DOCK11: variants seen among roughly 807,000 people sequenced by gnomAD.
DOCK11 encodes the protein dedicator of cytokinesis protein 11.
In DOCK11, 70 loss-of-function variants were observed where a neutral mutation model predicts 169.1. That is an observed-to-expected ratio of 0.41 (90% CI 0.34 to 0.51). The LOEUF (loss-of-function observed/expected upper bound fraction) is 0.51, where lower values mean the gene tolerates loss of function less well. DOCK11 is among the 20% of genes least tolerant of loss of function. The probability of loss-of-function intolerance (pLI) is 0.10; values close to 1 mark genes in which losing one functional copy is unlikely to be tolerated. For missense variants in DOCK11, 1,166 were observed against 1,538.8 expected, an observed-to-expected ratio of 0.76 and a Z score of 4.05; for synonymous variants, 529 against 541.3, an observed-to-expected ratio of 0.98 and a Z score of 0.32.
At chrX:118,568,373 TATATATATATATATATA>T (rs1569418510) in intron 10 of DOCK11, among the ~76,000 whole-genome samples, 7 of 1,155 alleles carry the variant, frequency 6.1e-3, no homozygotes, top group African/African-American at 0.02. Flanking sequence ...GGCTGAATTA[TATATATATATATATATA>T]TATATATATA....
chrX:118,639,316 TA>T, intron 37 of DOCK11, 118 bp from the exon 38 acceptor site: 1 of 685,931 alleles, frequency 1.5e-6, no homozygotes, highest in Non-Finnish European at 2.1e-6. Flanking sequence ...ACACTTCATT[TA>T]ATCCTTGAGT....
chrX:118,600,747 C>T (rs2014312440), intron 23 of DOCK11, among the ~76,000 whole-genome samples: 1 of 109,477 alleles, frequency 9.1e-6, no homozygotes, highest in Admixed American at 9.7e-5. Context: ...TGAGCAGAGA[C>T]CTAAAGGAAA....
rs367550547 is a variant in DOCK11 at position 118,578,544 on chromosome X, A to G, written c.1409A>G (p.Asn470Ser). The G allele has an allele frequency of 8.3e-7, 1 of 1,207,549 alleles. No individual in the cohort carries two copies. The highest frequency in any genetic ancestry group is 1.8e-5 in the African/African-American group (1 of 57,094). The change falls in exon 13 of 53, where the codon AAT becomes AGT. Residue 470 changes from asparagine to serine, a missense_variant. By Grantham distance (46) the Asn-to-Ser change is conservative (BLOSUM62 1). Transcript: ENST00000276202. ...TCCCAGGGAATTTTCTCAGTGACGA[A>G]TCCACATCCTGAAATTTTTCTAGTT... ...YIQQGIFSVT[N>S]PHPEIFLVAR...
intron 23 of DOCK11, among the ~76,000 whole-genome samples, chrX:118,601,117 TTAAC>T (rs1277163292): frequency 1.8e-5 from 2 of 111,353 alleles, no homozygotes; most frequent in African/African-American, 6.5e-5. Flanking sequence ...CTATATGTTC[TTAAC>T]TATCATTAAG....
chrX:118,585,152 T>G, intron 16 of DOCK11, 35 bp downstream of exon 16: 1 of 1,091,658 alleles, frequency 9.2e-7, no homozygotes, highest in Non-Finnish European at 1.3e-6. Flanking sequence ...TTAAGCATAA[T>G]GTTTGAATGT....
intron 26 of DOCK11, 30 bp from the exon 27 acceptor site, chrX:118,609,248 C>T (rs368527623): frequency 2.7e-5 from 30 of 1,106,214 alleles, no homozygotes; most frequent in African/African-American, 2.0e-4. Context: ...ATTTGGTAAC[C>T]GTTAAAGATT....
chrX:118,648,939 C>G lies in DOCK11; in HGVS notation c.4399-6C>G. The G allele has an allele frequency of 1.7e-6, 2 of 1,167,552 alleles. No homozygotes were observed. The highest frequency in any genetic ancestry group is 4.0e-5 in the South Asian group (2 of 50,219). On this transcript the variant is annotated splice_polypyrimidine_tract_variant and splice_region_variant and intron_variant, in intron 40 of 52. Transcript: ENST00000276202. Reference sequence around the variant, plus strand: ...AATACTTATTTCTGTTTTCCCTGTTCTTTAGTTTCCTTCAGCATTTTTCAA... The same window carrying G: ...AATACTTATTTCTGTTTTCCCTGTTGTTTAGTTTCCTTCAGCATTTTTCAA...
In DOCK11 at chrX:118,618,647, T is replaced by C. The variant is rs1270276086; in HGVS notation, c.3390T>C (p.Asn1130=). The C allele has an allele frequency of 8.3e-7, 1 of 1,208,165 alleles. No homozygotes were observed. The highest frequency in any genetic ancestry group is 2.2e-5 in the Admixed American group (1 of 45,919). Reference sequence around the variant, plus strand: ...AAACTTCCATTGCTCTTCAGGACAATTATGAGATCAGATATACAGCTATCT... The same window carrying C: ...AAACTTCCATTGCTCTTCAGGACAACTATGAGATCAGATATACAGCTATCT... The part of the protein sequence containing the change: ...LRETSIALQD[N]YEIRYTAISV... Residue 1130 remains asparagine, a synonymous_variant, in exon 31 of 53, where the codon AAT becomes AAC. Transcript: ENST00000276202.
chrX:118,593,399 A>C, intron 20 of DOCK11, 62 bp downstream of exon 20: 1 of 1,078,180 alleles, frequency 9.3e-7, no homozygotes, highest in Non-Finnish European at 1.2e-6. Context: ...TCCAGGGTAT[A>C]ACCTCTTTTC....
chrX:118,496,536 T>G (rs1022835607), intron 1 of DOCK11, among the ~76,000 whole-genome samples: 8 of 112,254 alleles, frequency 7.1e-5, no homozygotes, highest in African/African-American at 2.3e-4. Flanking sequence ...CGCGCACACA[T>G]ACACACACTG....
chrX:118,538,786 A>C, intron 1 of DOCK11: 1 of 386,199 alleles, frequency 2.6e-6, no homozygotes. Context: ...ATAAATTACA[A>C]AGCTGAAAGA....
At chrX:118,611,435 C>T (rs1213843383) in intron 28 of DOCK11, among the ~76,000 whole-genome samples, 1 of 112,171 alleles carries the variant, frequency 8.9e-6, no homozygotes, top group Non-Finnish European at 1.9e-5. Flanking sequence ...TCTAGGTTGC[C>T]ACCATCCCTA....
intron 1 of DOCK11, among the ~76,000 whole-genome samples, chrX:118,519,252 G>C (rs1198205140): frequency 1.8e-5 from 2 of 112,001 alleles, no homozygotes; most frequent in African/African-American, 6.5e-5. Flanking sequence ...TTATGAGTCA[G>C]AAATTTTAAG....
chrX:118,545,470 A>G (rs2012236249), intron 5 of DOCK11, 78 bp downstream of exon 5: 1 of 729,252 alleles, frequency 1.4e-6, no homozygotes, highest in Non-Finnish European at 2.0e-6. Context: ...TTCAAAGGGA[A>G]TTTCTTGAGA....
chrX:118,543,807 G>A (rs1282004180), intron 4 of DOCK11, among the ~76,000 whole-genome samples: 13 of 111,373 alleles, frequency 1.2e-4, no homozygotes, highest in Non-Finnish European at 1.7e-4. Context: ...AAAATTAGCC[G>A]GGCGTGGTGG....
chrX:118,561,295 C>A (rs1310873986), intron 6 of DOCK11, 88 bp from the exon 7 acceptor site: 4 of 938,023 alleles, frequency 4.3e-6, no homozygotes, highest in Non-Finnish European at 5.6e-6. Flanking sequence ...AATTGCCTGG[C>A]AAGCTTTTGA....
intron 10 of DOCK11, among the ~76,000 whole-genome samples, chrX:118,570,713 G>A (rs181537626): frequency 8.9e-5 from 10 of 112,253 alleles, no homozygotes; most frequent in Admixed American, 1.9e-4. Context: ...TACTGACAGT[G>A]TTATTCTGCT....
intron 35 of DOCK11, among the ~76,000 whole-genome samples, chrX:118,632,053 C>A (rs2015255596): frequency 9.0e-6 from 1 of 111,555 alleles, no homozygotes; most frequent in Non-Finnish European, 1.9e-5. Flanking sequence ...CTCCCAGGTT[C>A]AAGTGATTCT....
chrX:118,638,772 G>A (rs1351900454), intron 37 of DOCK11, among the ~76,000 whole-genome samples: 1 of 111,289 alleles, frequency 9.0e-6, no homozygotes, highest in African/African-American at 3.3e-5. Flanking sequence ...GGGTGGTGAG[G>A]GTTCCAATTT....
Sources: gnomAD v4.1 joint callset for allele counts (sites outside exome capture counted in the v4.1 genomes callset) on GRCh38, gnomAD v4.1.1 for gene constraint, MANE v1.5 for transcripts, NCBI Gene and HGNC (gene_info 2026-07-23, HGNC 2026-07-21) for gene names.